Variants in KRT84 observed in about 807,000 individuals in gnomAD.
KRT84 encodes keratin, type II cuticular Hb4.
In KRT84, 38 loss-of-function variants were observed where a neutral mutation model predicts 49.0. The ratio of observed to expected loss-of-function variants is 0.78; its 90% CI spans 0.60 to 1.02. The LOEUF is 1.02. KRT84 is among the 50% of genes least tolerant of loss of function. The pLI is 0.00. For synonymous variants in KRT84, 334 were observed against 312.8 expected (o/e 1.07, Z -0.72); for missense variants, 860 against 788.6 (o/e 1.09, Z -1.08).
In KRT84 at chr12:52,385,047, A is replaced by G; in HGVS notation, c.539T>C (p.Ile180Thr). ...KTLNNKFASF[I>T]DKVRFLEQQN... The stretch of plus-strand genomic sequence containing the variant: ...TTCAGCTATCATAGGTACCTTGTCA[A>G]TGAAGGAGGCAAACTTGTTGTTGAG... Residue 180 changes from isoleucine to threonine, a missense_variant, in exon 1 of 9, where the codon ATT becomes ACT. Ile to Thr is a moderately conservative substitution (Grantham distance 89). Coordinates refer to ENST00000257951, the MANE Select transcript of KRT84 (RefSeq NM_033045.4). 4 of 1,607,010 alleles carry G rather than the reference A, an allele frequency of 2.5e-6. No individual in the cohort carries two copies. The highest frequency in any genetic ancestry group is 3.4e-6 in the Non-Finnish European group (4 of 1,176,592).
At position 52,383,000 on chromosome 12, in the gene KRT84, C is replaced by G. The variant is rs574677470; in HGVS notation, c.816+5G>C. The G allele has an allele frequency of 2.5e-4, 398 of 1,613,372 alleles. 4 individuals are homozygous for G. In the South Asian group the frequency reaches 3.9e-3, roughly 16 times the overall value. The stretch of plus-strand genomic sequence containing the variant: ...AAGTTGGCCTGGTCTGTGGTTCCCC[C>G]TTACCTTCTTCAGAGCCACAAACTC... On this transcript the variant is annotated splice_donor_5th_base_variant and intron_variant, in intron 3 of 8. Coordinates refer to ENST00000257951, the MANE Select transcript of KRT84 (RefSeq NM_033045.4).
In KRT84 at chr12:52,383,490, T is replaced by G. The variant is rs1022822486; in HGVS notation, c.755+100A>C. The G allele has an allele frequency of 9.1e-6, 8 of 879,274 alleles. No homozygotes were observed. The African/African-American group carries it at 1.2e-4, about 13-fold the overall frequency. 54.5% of individuals were successfully genotyped at this position (879,274 alleles called of 1,614,324 possible). The stretch of plus-strand genomic sequence containing the variant: ...CCAGGCTTGATGTGGTAACCAGCAT[T>G]CAACCCTGATCCTTCCAGCTGCTCT... On this transcript the variant is annotated intron_variant, in intron 2 of 8. Transcript: ENST00000257951.
intron 2 of KRT84, 47 bp downstream of exon 2, chr12:52,383,543 G>T (rs993373814): frequency 1.3e-6 from 2 of 1,545,604 alleles, no homozygotes; most frequent in African/African-American, 1.4e-5. Flanking sequence ...TAATTCTGGG[G>T]CCAGGCCTGG....
chr12:52,384,956 G>A lies in KRT84; in HGVS notation c.546+84C>T, dbSNP rs767472644. On this transcript the variant is annotated intron_variant, in intron 1 of 8. Coordinates refer to ENST00000257951, the MANE Select transcript of KRT84 (RefSeq NM_033045.4). Reference sequence around the variant, plus strand: ...GTCAAGGTCAAGTCCCCAGAACCGGGCCAGTTCTTTTTAAGGGAAAGAGCA... The same window carrying A: ...GTCAAGGTCAAGTCCCCAGAACCGGACCAGTTCTTTTTAAGGGAAAGAGCA... 8.1e-5 allele frequency: 112 copies of A among 1,381,658 alleles called. 1 individual carries two copies. Among genetic ancestry groups the A allele is most frequent in the Non-Finnish European group, 1.1e-4 (108 of 1,007,912 alleles). 85.6% of individuals were successfully genotyped at this position (1,381,658 alleles called of 1,614,324 possible). A position where few individuals can be genotyped will look rare whatever the true frequency, so the allele number is the denominator to read the frequency against.
At chr12:52,386,802 C>T (rs908926585), upstream of KRT84, among the ~76,000 whole-genome samples, 3 of 151,960 alleles carry the variant, frequency 2.0e-5, no homozygotes, top group African/African-American at 7.3e-5. Flanking sequence ...CTTTTAGGAC[C>T]CTGAGCCAGG....
At position 52,385,373 on chromosome 12, in the gene KRT84, C is replaced by T. The variant is rs145366429; in HGVS notation, c.213G>A (p.Arg71=). Residue 71 remains arginine (R), a synonymous_variant, in exon 1 of 9, where the codon CGG becomes CGA. Transcript: ENST00000257951. ...CAAAGCGGACTCCACAGTGGATGGG[C>T]CGAGAGCCTACAGCTGCTATCCGGG... is the stretch of plus-strand genomic sequence containing the variant. ...YSPRIAAVGS[R]PIHCGVRFGA... is the part of the protein sequence containing the mutation. 5.5e-5 allele frequency: 88 copies of T among 1,614,182 alleles called. No homozygotes were observed. In the African/African-American group the frequency reaches 1.1e-3, roughly 20 times the overall value.
In KRT84 at chr12:52,378,338, G is replaced by T. The variant is rs1592145928; in HGVS notation, c.1499C>A (p.Pro500His). 1 of 1,518,542 alleles carries T rather than the reference G, an allele frequency of 6.6e-7. No homozygotes were observed. The highest frequency in any genetic ancestry group is 8.8e-7 in the Non-Finnish European group (1 of 1,137,188). 94.1% of individuals were successfully genotyped at this position (1,518,542 alleles called of 1,614,324 possible). A position where few individuals can be genotyped will look rare whatever the true frequency, so the allele number is the denominator to read the frequency against. The part of the protein sequence containing the change: ...SRGGLVCGPE[P>H]LVAGSTLSRG... Reference sequence around the variant, plus strand: ...GGAGAGGGTGGAGCCGGCAACCAAAGGCTCAGGCCCGCACACCAGGCCGCC... The same window carrying T: ...GGAGAGGGTGGAGCCGGCAACCAAATGCTCAGGCCCGCACACCAGGCCGCC... Residue 500 changes from proline to histidine, a missense_variant, in exon 9 of 9, where the codon CCT (proline) becomes CAT (histidine). Coordinates refer to ENST00000257951, the MANE Select transcript of KRT84 (RefSeq NM_033045.4).
At chr12:52,385,924 T>G (rs576053540), upstream of KRT84, among the ~76,000 whole-genome samples, 2 of 152,280 alleles carry the variant, frequency 1.3e-5, no homozygotes, top group Admixed American at 1.3e-4. Context: ...ACAATTGCCA[T>G]TAAGGGGACA....
At chr12:52,383,262 A>G (rs1939514383) in intron 2 of KRT84, among the ~76,000 whole-genome samples, 197 bp from the exon 3 acceptor site, 1 of 152,004 alleles carries the variant, frequency 6.6e-6, no homozygotes, top group African/African-American at 2.4e-5. Flanking sequence ...GTTTCTCCAA[A>G]TCCCTTCCAC....
At position 52,377,941 on chromosome 12, in the gene KRT84, A is replaced by G; in HGVS notation, c.*93T>C. The G allele has an allele frequency of 2.1e-6, 2 of 936,702 alleles. No individual in the cohort carries two copies. Among genetic ancestry groups the G allele is most frequent in the South Asian group, 3.0e-5 (1 of 33,416 alleles). 58.0% of individuals were successfully genotyped at this position (936,702 alleles called of 1,614,324 possible). On this transcript the variant is annotated 3_prime_UTR_variant, in exon 9 of 9. Coordinates refer to ENST00000257951, the MANE Select transcript of KRT84 (RefSeq NM_033045.4). ...TTCCTGGCAGAAAGGGGAGCTGGAGACCGTCAAGCCCAGAGCCCACGAACC... is the reference window on the plus strand; with the variant it reads ...TTCCTGGCAGAAAGGGGAGCTGGAGGCCGTCAAGCCCAGAGCCCACGAACC...
At position 52,378,083 on chromosome 12, in the gene KRT84, G is replaced by A. The variant is rs1939415711; in HGVS notation, c.1754C>T (p.Ser585Phe). The A allele has an allele frequency of 6.7e-7, 1 of 1,502,252 alleles. No individual in the cohort carries two copies. The highest frequency in any genetic ancestry group is 2.5e-5 in the East Asian group (1 of 40,218). 93.1% of individuals were successfully genotyped at this position (1,502,252 alleles called of 1,614,324 possible). The change falls in exon 9 of 9, where the codon TCC becomes TTC. Residue 585 changes from serine to phenylalanine, a missense_variant. By Grantham distance (155) the Ser-to-Phe change is radical (BLOSUM62 -2). Coordinates refer to ENST00000257951, the MANE Select transcript of KRT84 (RefSeq NM_033045.4). ...GGTGGTGGACACAAAGCGGACGCTG[G>A]AGCTGCGGCCGCCGCTGCAGCTGCT... ...GFSSCSGGRS[S>F]SVRFVSTTTS... is the part of the protein sequence containing the mutation.
chr12:52,379,035 C>T (rs1939435923), intron 8 of KRT84, among the ~76,000 whole-genome samples: 1 of 152,222 alleles, frequency 6.6e-6, no homozygotes, highest in African/African-American at 2.4e-5. Context: ...TTCACTCAAG[C>T]TTGACCTCCT....
intron 3 of KRT84, 108 bp downstream of exon 3, chr12:52,382,897 G>A (rs1312442061): frequency 1.5e-5 from 13 of 873,218 alleles, no homozygotes; most frequent in Middle Eastern, 3.0e-4. Flanking sequence ...CTGTCTTGAT[G>A]TGAGTAGTCC....
intron 2 of KRT84, 21 bp from the exon 3 acceptor site, chr12:52,383,086 G>A (rs1322614575): frequency 1.9e-6 from 3 of 1,607,640 alleles, no homozygotes; most frequent in Non-Finnish European, 2.6e-6. Context: ...AGGTTAAGAG[G>A]GTGAGTGCTT....
intron 8 of KRT84, among the ~76,000 whole-genome samples, 158 bp from the exon 9 acceptor site, chr12:52,378,538 C>G (rs1221848213): frequency 6.6e-6 from 1 of 152,240 alleles, no homozygotes; most frequent in Non-Finnish European, 1.5e-5. Flanking sequence ...TCAGTATACA[C>G]TTTTTCCCTC....
At chr12:52,381,230 A>G in intron 5 of KRT84, 25 bp from the exon 6 acceptor site, 1 of 1,613,286 alleles carries the variant, frequency 6.2e-7, no homozygotes, top group Non-Finnish European at 8.5e-7. Context: ...GGGTATTTTG[A>G]GGGTTCGGAG....
chr12:52,378,435 A>C, intron 8 of KRT84, 55 bp from the exon 9 acceptor site: 1 of 1,350,090 alleles, frequency 7.4e-7, no homozygotes, highest in Non-Finnish European at 9.7e-7. Context: ...CTCCACCTCC[A>C]TGCTACCCCT....
At chr12:52,379,010 C>T (rs896549728) in intron 8 of KRT84, among the ~76,000 whole-genome samples, 16 of 152,326 alleles carry the variant, frequency 1.1e-4, no homozygotes, top group African/African-American at 3.8e-4. Flanking sequence ...AGAATCCTTC[C>T]TGCCATCCAT....
At chr12:52,378,605 C>T (rs373479072) in intron 8 of KRT84, among the ~76,000 whole-genome samples, 1 of 152,326 alleles carries the variant, frequency 6.6e-6, no homozygotes, top group Non-Finnish European at 1.5e-5. Context: ...ATGAAAATGA[C>T]GACTTCATCC....
Sources: allele counts gnomAD v4.1 joint callset (sites outside exome capture counted in the v4.1 genomes callset), GRCh38; gene constraint gnomAD v4.1.1; transcripts MANE v1.5; gene names NCBI Gene and HGNC (gene_info 2026-07-23, HGNC 2026-07-21).